Variants in INTS4 observed in about 807,000 individuals in gnomAD.
The protein encoded by INTS4 is MSTP093.
A neutral mutation model predicts 119.5 loss-of-function variants in INTS4; 70 were observed. That is an observed-to-expected ratio of 0.59 (90% CI 0.48 to 0.71). INTS4 has a LOEUF of 0.71. Among genes scored for constraint, INTS4 ranks in the 30% least tolerant of loss-of-function variants. The probability of loss-of-function intolerance (pLI) is 0.00; values close to 1 mark genes in which losing one functional copy is unlikely to be tolerated. For synonymous variants in INTS4, 316 were observed against 419.6 expected, an observed-to-expected ratio of 0.75 and a Z score of 3.02; for missense variants, 867 against 1,173.2, an observed-to-expected ratio of 0.74 and a Z score of 3.81.
chr11:77,969,764 CA>C (rs111328777), intron 4 of INTS4, among the ~76,000 whole-genome samples: 3,438 of 118,216 alleles, frequency 0.029, 86 homozygotes, highest in African/African-American at 0.085. Context: ...TCCCCTCCTG[CA>C]AAAAAAAAAA....
intron 8 of INTS4, among the ~76,000 whole-genome samples, chr11:77,945,536 G>A (rs558255745): frequency 2.0e-5 from 3 of 152,118 alleles, no homozygotes; most frequent in Admixed American, 2.0e-4. Context: ...ACAGAGTGAC[G>A]ATGATCTCAG....
intron 12 of INTS4, among the ~76,000 whole-genome samples, chr11:77,923,677 T>A (rs1337383128): frequency 6.6e-6 from 1 of 152,092 alleles, no homozygotes; most frequent in African/African-American, 2.4e-5. Context: ...AAGAACTCAA[T>A]GTTAGCTATT....
chr11:77,975,171 G>A (rs1292284734), intron 4 of INTS4, among the ~76,000 whole-genome samples: 1 of 151,202 alleles, frequency 6.6e-6, no homozygotes, highest in African/African-American at 2.4e-5. Flanking sequence ...ATCTTAAGTT[G>A]GAAGGTTAGG....
At chr11:77,919,309 T>C (rs1953282138) in intron 14 of INTS4, among the ~76,000 whole-genome samples, 2 of 151,658 alleles carry the variant, frequency 1.3e-5, no homozygotes, top group Non-Finnish European at 2.9e-5. Flanking sequence ...TTTTTTTTTT[T>C]AGACAGAGTT....
chr11:77,934,828 G>A (rs1357467786), intron 10 of INTS4, among the ~76,000 whole-genome samples: 1 of 152,098 alleles, frequency 6.6e-6, no homozygotes, highest in Non-Finnish European at 1.5e-5. Flanking sequence ...CTATACATAT[G>A]GAACATTTTA....
chr11:77,895,969 G>C (rs1260961161), intron 18 of INTS4, among the ~76,000 whole-genome samples: 4 of 152,150 alleles, frequency 2.6e-5, no homozygotes, highest in Admixed American at 2.6e-4. Flanking sequence ...ATTTAAACTA[G>C]TCTAGACTTT....
At chr11:77,994,562 G>A (rs764430897) in intron 1 of INTS4, 28 bp downstream of exon 1, 2 of 1,558,866 alleles carry the variant, frequency 1.3e-6, no homozygotes, top group African/African-American at 1.4e-5. Context: ...GTCCGGATCG[G>A]TTCTGGATCT....
intron 7 of INTS4, among the ~76,000 whole-genome samples, chr11:77,958,245 T>C (rs760927566): frequency 6.6e-6 from 1 of 151,280 alleles, no homozygotes; most frequent in African/African-American, 2.4e-5. Flanking sequence ...TAAACATTTA[T>C]AAATATAATA....
chr11:77,883,458 G>A (rs1951871286), intron 22 of INTS4, among the ~76,000 whole-genome samples: 1 of 152,068 alleles, frequency 6.6e-6, no homozygotes, highest in South Asian at 2.1e-4. Flanking sequence ...ATTGTCATTT[G>A]GAAGATAAGG....
At chr11:77,942,379 A>T (rs1953948390) in intron 8 of INTS4, among the ~76,000 whole-genome samples, 1 of 152,218 alleles carries the variant, frequency 6.6e-6, no homozygotes, top group East Asian at 1.9e-4. Flanking sequence ...ATGGAACGTA[A>T]GATAGGGCTC....
At chr11:77,979,900 C>A (rs1185129552) in intron 3 of INTS4, among the ~76,000 whole-genome samples, 1 of 150,850 alleles carries the variant, frequency 6.6e-6, no homozygotes, top group East Asian at 1.9e-4. Flanking sequence ...ATCGCTTGAA[C>A]CCGGGAGGCG....
chr11:77,989,622 G>A (rs751479125), intron 2 of INTS4, among the ~76,000 whole-genome samples: 1 of 151,590 alleles, frequency 6.6e-6, no homozygotes, highest in Non-Finnish European at 1.5e-5. Context: ...GAGTGTGGTG[G>A]TTCACACCTG....
rs1479064112 is a variant in INTS4, at chr11:77,989,302, A to T, written c.246+1806T>A. On this transcript the variant is annotated intron_variant, in intron 2 of 22. Transcript: ENST00000534064. Reference sequence around the variant, plus strand: ...CTGGAATTCGAGACTAGCCTGGCCAACATGGTGAAACCCCATCTCTACTAA... The same window carrying T: ...CTGGAATTCGAGACTAGCCTGGCCATCATGGTGAAACCCCATCTCTACTAA... 2.6e-5 allele frequency among the ~76,000 whole-genome samples: 4 copies of T among 152,118 alleles called. No individual in the cohort carries two copies. In the East Asian group the frequency reaches 7.7e-4, roughly 29 times the overall value.
chr11:77,962,852 T>A (rs1012416584), intron 4 of INTS4, among the ~76,000 whole-genome samples: 1 of 150,068 alleles, frequency 6.7e-6, no homozygotes, highest in Non-Finnish European at 1.5e-5. Context: ...CCCATTTCTT[T>A]AAAAAAAAAA....
chr11:77,919,933 C>T (rs567094128), intron 14 of INTS4, among the ~76,000 whole-genome samples: 6 of 151,990 alleles, frequency 3.9e-5, no homozygotes, highest in Admixed American at 2.0e-4. Context: ...CACAGCTTCC[C>T]GAGTAGCTAG....
chr11:77,981,660 A>G (rs1410284135), intron 2 of INTS4, 84 bp from the exon 3 acceptor site: 1 of 582,758 alleles, frequency 1.7e-6, no homozygotes, highest in African/African-American at 1.9e-5. Context: ...AACATCCCAA[A>G]AGAGATTCAA....
intron 10 of INTS4, among the ~76,000 whole-genome samples, chr11:77,933,370 G>C (rs1411464335): frequency 1.4e-5 from 2 of 143,602 alleles, no homozygotes; most frequent in East Asian, 4.2e-4. Flanking sequence ...TTGCAGGCGC[G>C]CGCCGCCACG....
At chr11:77,900,531 A>C in intron 18 of INTS4, 1 of 637,760 alleles carries the variant, frequency 1.6e-6, no homozygotes, top group Non-Finnish European at 2.8e-6. Context: ...TTAAGCATTC[A>C]TATTTATATC....
rs193106260 is a variant in INTS4, at chr11:77,932,671, A to C, written c.1166-4124T>G. 3.8e-3 allele frequency among the ~76,000 whole-genome samples: 572 copies of C among 152,292 alleles called. 4 individuals carry two copies. Among genetic ancestry groups the C allele is most frequent in the African/African-American group, 0.013 (538 of 41,560 alleles). On this transcript the variant is annotated intron_variant, in intron 10 of 22. Transcript: ENST00000534064. ...ACACATGCACACATATGTTTATTGC[A>C]GCACTATTCACAAGTAAAGACTTGG...
Sources: allele counts gnomAD v4.1 joint callset (sites outside exome capture counted in the v4.1 genomes callset), GRCh38; gene constraint gnomAD v4.1.1; transcripts MANE v1.5; gene names NCBI Gene and HGNC (gene_info 2026-07-23, HGNC 2026-07-21).